Variants in PDK2 observed in about 807,000 individuals in gnomAD.
The protein encoded by PDK2 is pyruvate dehydrogenase kinase 2, also known as pyruvate dehydrogenase kinase, isozyme 2.
PDK2 carries 34 observed loss-of-function variants against 50.4 expected under a neutral mutation model. That is an observed-to-expected ratio of 0.68 (90% CI 0.51 to 0.90). The LOEUF is 0.90. PDK2 is among the 40% of genes least tolerant of loss of function. The pLI, the probability that PDK2 is intolerant of heterozygous loss-of-function variation, is 0.00. For missense variants in PDK2, 377 were observed against 544.5 expected, an observed-to-expected ratio of 0.69 and a Z score of 3.06; for synonymous variants, 232 against 216.0, an observed-to-expected ratio of 1.07 and a Z score of -0.65.
intron 2 of PDK2, chr17:50,097,831 T>C (rs1910027033): frequency 2.6e-6 from 1 of 380,360 alleles, no homozygotes. Flanking sequence ...TAGGAAAGCA[T>C]GGTTTTCACA....
In PDK2 at chr17:50,109,430, G is replaced by C; in HGVS notation, c.1083+30G>C. ...GGGCCCTTCCCGCAGAGCCCAGCTG[G>C]AGAAGAGCTTTGCTGATAGGACCTG... is the stretch of plus-strand genomic sequence containing the variant. On this transcript the variant is annotated intron_variant, in intron 10 of 10. Transcript: ENST00000503176. The surrounding 1 kb of genome is among the most constrained non-coding windows in gnomAD (Gnocchi z 5.0). 1 of 1,485,636 alleles carries C rather than the reference G, an allele frequency of 6.7e-7. No homozygotes were observed. The highest frequency in any genetic ancestry group is 9.3e-7 in the Non-Finnish European group (1 of 1,071,600). 92.0% of individuals were successfully genotyped at this position (1,485,636 alleles called of 1,614,324 possible). A position where few individuals can be genotyped will look rare whatever the true frequency, so the allele number is the denominator to read the frequency against.
At chr17:50,095,979 T>C in intron 1 of PDK2, 1 of 506,754 alleles carries the variant, frequency 2.0e-6, no homozygotes, top group South Asian at 6.6e-5. Context: ...GGTTTAGAGG[T>C]GCAGCCATCT....
At position 50,109,195 on chromosome 17, in the gene PDK2, C is replaced by A; in HGVS notation, c.970-92C>A. ...TGGGACCCCTGCCATGTGACCCCAG[C>A]TCCACACCCTTCCCTCCCTGCATCA... On this transcript the variant is annotated intron_variant, in intron 9 of 10. Transcript: ENST00000503176. This position sits in a 1 kb window ranked among gnomAD's most constrained non-coding sequence, Gnocchi z 5.0. 1.3e-6 allele frequency: 1 copy of A among 740,996 alleles called. No homozygotes were observed. Among genetic ancestry groups the A allele is most frequent in the Admixed American group, 2.4e-5 (1 of 42,494 alleles). 45.9% of individuals were successfully genotyped at this position (740,996 alleles called of 1,614,324 possible).
intron 1 of PDK2, chr17:50,096,395 G>T: frequency 1.4e-6 from 1 of 722,112 alleles, no homozygotes; most frequent in Non-Finnish European, 1.7e-6. Flanking sequence ...CTGTCTATGT[G>T]GTATTTCCAT....
At chr17:50,106,537 G>A in intron 4 of PDK2, 2 of 555,352 alleles carry the variant, frequency 3.6e-6, no homozygotes, top group Middle Eastern at 9.3e-4. Flanking sequence ...ATGCAATGTG[G>A]AGATGTGATG....
intron 2 of PDK2, among the ~76,000 whole-genome samples, chr17:50,098,309 T>C (rs1910051868): frequency 6.6e-6 from 1 of 152,156 alleles, no homozygotes; most frequent in African/African-American, 2.4e-5. Context: ...TATGATATAG[T>C]TGTGATTTCC....
rs140605026 is a variant in PDK2 at position 50,109,496 on chromosome 17, C to A, written c.1083+96C>A. On this transcript the variant is annotated intron_variant, in intron 10 of 10. Coordinates refer to ENST00000503176, the MANE Select transcript of PDK2 (RefSeq NM_002611.5). This position sits in a 1 kb window ranked among gnomAD's most constrained non-coding sequence, Gnocchi z 5.0. Reference sequence around the variant, plus strand: ...CTGCGAGCTTTCCTTTCCATCCCCCCAGTCCTTCCCTGGCCCCAGACTCTG... The same window carrying A: ...CTGCGAGCTTTCCTTTCCATCCCCCAAGTCCTTCCCTGGCCCCAGACTCTG... 1.1e-5 allele frequency: 7 copies of A among 665,470 alleles called. No individual in the cohort carries two copies. The highest frequency in any genetic ancestry group is 8.7e-5 in the East Asian group (3 of 34,430). 41.2% of individuals were successfully genotyped at this position (665,470 alleles called of 1,614,324 possible). A position where few individuals can be genotyped will look rare whatever the true frequency, so the allele number is the denominator to read the frequency against.
intron 6 of PDK2, among the ~76,000 whole-genome samples, chr17:50,107,772 T>C (rs1190971425): frequency 6.6e-6 from 1 of 152,092 alleles, no homozygotes; most frequent in Non-Finnish European, 1.5e-5. Flanking sequence ...ATGGGGTAAC[T>C]CAACAGGGGT....
intron 2 of PDK2, 122 bp downstream of exon 2, chr17:50,097,686 A>G: frequency 4.1e-6 from 5 of 1,216,560 alleles, no homozygotes; most frequent in African/African-American, 1.5e-5. Flanking sequence ...AGGAGACACC[A>G]AAGCCCCAAG....
rs956141408 is a variant in PDK2 at position 50,109,940 on chromosome 17, A to C, written c.1084-17A>C. On this transcript the variant is annotated splice_polypyrimidine_tract_variant and intron_variant, in intron 10 of 10. Transcript: ENST00000503176. The surrounding 1 kb of genome is among the most constrained non-coding windows in gnomAD (Gnocchi z 5.0). Reference sequence around the variant, plus strand: ...AGGCACAGGGAGGTGGGAGGGGCTGACCCTGACACTCCCCAGGCCCTGTCC... The same window carrying C: ...AGGCACAGGGAGGTGGGAGGGGCTGCCCCTGACACTCCCCAGGCCCTGTCC... 6.6e-7 allele frequency: 1 copy of C among 1,520,986 alleles called. No homozygotes were observed. Among genetic ancestry groups the C allele is most frequent in the Non-Finnish European group, 8.9e-7 (1 of 1,126,362 alleles). 94.2% of individuals were successfully genotyped at this position (1,520,986 alleles called of 1,614,324 possible). A position where few individuals can be genotyped will look rare whatever the true frequency, so the allele number is the denominator to read the frequency against.
rs910775622 is a variant in PDK2 at position 50,108,530 on chromosome 17, AG to A, written c.862-81del. 3.5e-4 allele frequency: 467 copies of A among 1,335,222 alleles called. 7 individuals carry two copies. Among genetic ancestry groups the A allele is most frequent in the Non-Finnish European group, 5.3e-5 (50 of 941,092 alleles). 82.7% of individuals were successfully genotyped at this position (1,335,222 alleles called of 1,614,324 possible). On this transcript the variant is annotated intron_variant, in intron 8 of 10. Coordinates refer to ENST00000503176, the MANE Select transcript of PDK2 (RefSeq NM_002611.5). ...GGTGGGCAGATCCTGGGGGTGGGGA[AG>A]ACCATGAGAAGGTCAGGGGTATTGG...
At position 50,110,335 on chromosome 17, in the gene PDK2, A is replaced by G. The variant is rs1910766301; in HGVS notation, c.*238A>G. ...TGTGGGCGATGCCTGAGGGTTAGGG[A>G]TGTCTCCACCCTGATGGGGTGTCCC... On this transcript the variant is annotated 3_prime_UTR_variant, in exon 11 of 11. Transcript: ENST00000503176. The G allele has an allele frequency of 2.4e-6, 1 of 411,910 alleles. No individual in the cohort carries two copies. The highest frequency in any genetic ancestry group is 2.0e-5 in the African/African-American group (1 of 49,812). 25.5% of individuals were successfully genotyped at this position (411,910 alleles called of 1,614,324 possible).
In PDK2 at chr17:50,108,287, C is replaced by G. The variant is rs1194392430; in HGVS notation, c.763-32C>G. Reference sequence around the variant, plus strand: ...GGGAGCGTGAGTAGGGCTGGCTTCTCCCATGCATCTCTTACCTCTGCCCCT... The same window carrying G: ...GGGAGCGTGAGTAGGGCTGGCTTCTGCCATGCATCTCTTACCTCTGCCCCT... On this transcript the variant is annotated intron_variant, in intron 7 of 10. Coordinates refer to ENST00000503176, the MANE Select transcript of PDK2 (RefSeq NM_002611.5). 5 of 1,609,630 alleles carry G rather than the reference C, an allele frequency of 3.1e-6. No individual in the cohort carries two copies. The Admixed American group carries it at 8.4e-5, about 27-fold the overall frequency.
chr17:50,108,726 T>C lies in PDK2; in HGVS notation c.969+7T>C, dbSNP rs1910652494. 1 of 1,571,494 alleles carries C rather than the reference T, an allele frequency of 6.4e-7. No homozygotes were observed. The highest frequency in any genetic ancestry group is 1.1e-5 in the South Asian group (1 of 88,712). On this transcript the variant is annotated splice_region_variant and intron_variant, in intron 9 of 10. Coordinates refer to ENST00000503176, the MANE Select transcript of PDK2 (RefSeq NM_002611.5). ...CACCGGGGGAACGCCGCTGGTGAGA[T>C]GGCTTCACCCCAGCCCCTCCCACCT...
rs1262024516 is a variant in PDK2 at position 50,109,231 on chromosome 17, CT to C, written c.970-55del. The stretch of plus-strand genomic sequence containing the variant: ...TCCCTCCCTGCATCAGTCCCTGCAG[CT>C]CCAGGAGGCCCCTGCCAGCCTCCTC... On this transcript the variant is annotated intron_variant, in intron 9 of 10. Transcript: ENST00000503176. This position sits in a 1 kb window ranked among gnomAD's most constrained non-coding sequence, Gnocchi z 5.0. 8.1e-6 allele frequency: 9 copies of C among 1,112,164 alleles called. No homozygotes were observed. The highest frequency in any genetic ancestry group is 1.5e-5 in the African/African-American group (1 of 64,936). 68.9% of individuals were successfully genotyped at this position (1,112,164 alleles called of 1,614,324 possible).
At chr17:50,097,237 T>C (rs1436271029) in intron 1 of PDK2, among the ~76,000 whole-genome samples, 186 bp from the exon 2 acceptor site, 1 of 152,166 alleles carries the variant, frequency 6.6e-6, no homozygotes, top group Non-Finnish European at 1.5e-5. Context: ...TGACACCTCC[T>C]GAAGTGTTAG....
In PDK2 at chr17:50,106,899, G is replaced by A. The variant is rs748283305; in HGVS notation, c.607+16G>A. 8.7e-6 allele frequency: 14 copies of A among 1,609,964 alleles called. No homozygotes were observed. Among genetic ancestry groups the A allele is most frequent in the East Asian group, 2.2e-5 (1 of 44,864 alleles). ...GTGGTCAAAGGTGAGCCATTCCCACGGTGCCTGGCCCGCAGAGAAGCCCCG... is the reference window on the plus strand; with the variant it reads ...GTGGTCAAAGGTGAGCCATTCCCACAGTGCCTGGCCCGCAGAGAAGCCCCG... On this transcript the variant is annotated intron_variant, in intron 5 of 10. Coordinates refer to ENST00000503176, the MANE Select transcript of PDK2 (RefSeq NM_002611.5).
At chr17:50,104,448 G>T (rs144645466) in intron 2 of PDK2, 1 of 152,210 alleles carries the variant, frequency 6.6e-6, no homozygotes, top group African/African-American at 2.4e-5. Context: ...ACAGGTTTTT[G>T]CCATGTTGGC....
Position 50,111,087 on chromosome 17 carries a change from G to A in PDK2, c.*990G>A, listed in dbSNP as rs558252472. 5 of 152,512 alleles carry A rather than the reference G, an allele frequency of 3.3e-5. No homozygotes were observed. The highest frequency in any genetic ancestry group is 2.0e-4 in the Admixed American group (3 of 15,306). 9.4% of individuals were successfully genotyped at this position (152,512 alleles called of 1,614,324 possible). On this transcript the variant is annotated 3_prime_UTR_variant, in exon 11 of 11. Transcript: ENST00000503176. ...GGCCTGGCTGCATCCCTGGGGGAGG[G>A]GACCCACACGTGCGCACGTACACAC...
Sources: allele counts gnomAD v4.1 joint callset (sites outside exome capture counted in the v4.1 genomes callset), GRCh38; gene constraint gnomAD v4.1.1; non-coding constraint Gnocchi (gnomAD v3.1); transcripts MANE v1.5; gene names NCBI Gene and HGNC (gene_info 2026-07-23, HGNC 2026-07-21).